The following UBE2F variants were observed in gnomAD, a reference collection of about 807,000 sequenced individuals.
The protein encoded by UBE2F is ubiquitin conjugating enzyme E2 F (putative).
A neutral mutation model predicts 29.6 loss-of-function variants in UBE2F; 5 were observed. The observed-to-expected ratio is 0.17, with a 90% CI of 0.09 to 0.36. The LOEUF (loss-of-function observed/expected upper bound fraction) is 0.36, where lower values mean the gene tolerates loss of function less well. Among genes scored for constraint, UBE2F ranks in the 10% least tolerant of loss-of-function variants. The pLI, the probability that UBE2F is intolerant of heterozygous loss-of-function variation, is 1.00. For missense variants in UBE2F, 141 were observed against 228.5 expected (o/e 0.62, Z 2.47); for synonymous variants, 66 against 81.8 (o/e 0.81, Z 1.04).
chr2:238,036,828 A>T (rs2064722601), intron 9 of UBE2F, among the ~76,000 whole-genome samples: 1 of 152,118 alleles, frequency 6.6e-6, no homozygotes, highest in Admixed American at 6.6e-5. Context: ...TTAAATACAT[A>T]AATAAGTAAA....
chr2:238,018,627 G>A (rs1008009844), intron 5 of UBE2F, among the ~76,000 whole-genome samples: 9 of 152,066 alleles, frequency 5.9e-5, no homozygotes, highest in Admixed American at 2.0e-4. Flanking sequence ...GTGCTGTGGC[G>A]TGATCTCAGC....
intron 2 of UBE2F, among the ~76,000 whole-genome samples, chr2:237,980,526 T>G (rs2106333099): frequency 6.6e-6 from 1 of 152,296 alleles, no homozygotes; most frequent in South Asian, 2.1e-4. Context: ...ACCTCCATGA[T>G]CTGATCTAAA....
Position 237,982,671 on chromosome 2 carries a change from T to C in UBE2F, c.119-5292T>C, listed in dbSNP as rs2063403601. Reference sequence around the variant, plus strand: ...TTCTTGTAAATTCTAATCAACAAAATATAAATAATACAGAATAAAATGTTA... The same window carrying C: ...TTCTTGTAAATTCTAATCAACAAAACATAAATAATACAGAATAAAATGTTA... On this transcript the variant is annotated intron_variant, in intron 2 of 9. Transcript: ENST00000272930. This position sits in a 1 kb window ranked among gnomAD's most constrained non-coding sequence, Gnocchi z 4.1. Among the ~76,000 whole-genome samples the C allele has an allele frequency of 6.6e-6, 1 of 152,162 alleles. No individual in the cohort carries two copies. Among genetic ancestry groups the C allele is most frequent in the African/African-American group, 2.4e-5 (1 of 41,432 alleles).
In UBE2F at chr2:237,967,624, C is replaced by T. The variant is rs1231950184; in HGVS notation, c.-17+492C>T. On this transcript the variant is annotated intron_variant, in intron 1 of 9. Coordinates refer to ENST00000272930, the MANE Select transcript of UBE2F (RefSeq NM_080678.3). This position sits in a 1 kb window ranked among gnomAD's most constrained non-coding sequence, Gnocchi z 6.3. ...CGATCGGGGCAGGAGTCGCGCTAGG[C>T]CGTGAGGAGCGGGGGAGGTGAGGGG... 6.6e-6 allele frequency among the ~76,000 whole-genome samples: 1 copy of T among 152,136 alleles called. No homozygotes were observed. The highest frequency in any genetic ancestry group is 1.9e-4 in the East Asian group (1 of 5,172).
At chr2:237,986,140 T>G (rs2063477030) in intron 2 of UBE2F, 1 of 337,904 alleles carries the variant, frequency 3.0e-6, no homozygotes, top group Non-Finnish European at 5.4e-6. Context: ...ACCTTTTCTT[T>G]TCTTTTTTTT....
intron 2 of UBE2F, chr2:237,973,636 CT>C: frequency 7.7e-7 from 1 of 1,292,114 alleles, no homozygotes; most frequent in Middle Eastern, 2.1e-4. Flanking sequence ...GGATCTTTTC[CT>C]GTTTTATTCA....
Position 238,019,849 on chromosome 2 carries a change from G to A in UBE2F, c.282+3216G>A, listed in dbSNP as rs141254466. On this transcript the variant is annotated intron_variant, in intron 5 of 9. Coordinates refer to ENST00000272930, the MANE Select transcript of UBE2F (RefSeq NM_080678.3). ...TAATTTTTGTAGTTTTAGTAGAGAC[G>A]GGGTTTCACCATGTTGGCCGGGTTG... 2.0e-3 allele frequency among the ~76,000 whole-genome samples: 304 copies of A among 151,886 alleles called. 1 individual carries two copies. The highest frequency in any genetic ancestry group is 6.4e-3 in the African/African-American group (267 of 41,402).
intron 1 of UBE2F, among the ~76,000 whole-genome samples, chr2:237,972,442 G>A (rs1197964855): frequency 6.6e-6 from 1 of 152,128 alleles, no homozygotes; most frequent in Non-Finnish European, 1.5e-5. Flanking sequence ...AACTGTGGAG[G>A]CCACCCTAGA....
Position 238,016,636 on chromosome 2 carries a change from G to C in UBE2F, c.282+3G>C. 6.2e-7 allele frequency: 1 copy of C among 1,608,860 alleles called. No individual in the cohort carries two copies. The highest frequency in any genetic ancestry group is 8.5e-7 in the Non-Finnish European group (1 of 1,178,280). ...TTCCCGATGCGTACAACATGGTGGT[G>C]AGTAGCCTGCGTTGAGCCTGTTGTT... On this transcript the variant is annotated splice_donor_region_variant and intron_variant, in intron 5 of 9. Coordinates refer to ENST00000272930, the MANE Select transcript of UBE2F (RefSeq NM_080678.3).
At chr2:238,020,552 G>A (rs1165999832) in intron 5 of UBE2F, among the ~76,000 whole-genome samples, 2 of 152,308 alleles carry the variant, frequency 1.3e-5, no homozygotes, top group South Asian at 2.1e-4. Context: ...AGTTCCTGCA[G>A]TGAAGGTCTG....
At chr2:238,027,672 G>A (rs950384898) in intron 6 of UBE2F, among the ~76,000 whole-genome samples, 3 of 152,168 alleles carry the variant, frequency 2.0e-5, no homozygotes, top group South Asian at 2.1e-4. Context: ...ATTGATGTAC[G>A]GGGACCACCT....
At chr2:238,018,777 A>G (rs960144040) in intron 5 of UBE2F, among the ~76,000 whole-genome samples, 3 of 152,214 alleles carry the variant, frequency 2.0e-5, no homozygotes, top group Non-Finnish European at 2.9e-5. Context: ...AGCTTTGCCA[A>G]TGGAGACGGC....
rs778504563 is a variant in UBE2F, at chr2:238,040,082, G to A, written c.508-1206G>A. On this transcript the variant is annotated intron_variant, in intron 9 of 9. Coordinates refer to ENST00000272930, the MANE Select transcript of UBE2F (RefSeq NM_080678.3). The surrounding 1 kb of genome is among the most constrained non-coding windows in gnomAD (Gnocchi z 4.4). The stretch of plus-strand genomic sequence containing the variant: ...GCGGTTGGCAGGGCAGAGGCACCTG[G>A]GTAGACTCAGAGCACTCCACTTTCT... Among the ~76,000 whole-genome samples, 11 of 152,194 alleles carry A rather than the reference G, an allele frequency of 7.2e-5. No homozygotes were observed. Among genetic ancestry groups the A allele is most frequent in the Non-Finnish European group, 1.2e-4 (8 of 68,026 alleles).
chr2:237,982,064 A>G lies in UBE2F; in HGVS notation c.119-5899A>G, dbSNP rs1474659203. 5.9e-5 allele frequency among the ~76,000 whole-genome samples: 9 copies of G among 152,168 alleles called. No individual in the cohort carries two copies. ...GATCCATAGCTCCAAAATGTACTAC[A>G]ATTTATTGAATCATTTACTTAAAAT... On this transcript the variant is annotated intron_variant, in intron 2 of 9. Coordinates refer to ENST00000272930, the MANE Select transcript of UBE2F (RefSeq NM_080678.3). This position sits in a 1 kb window ranked among gnomAD's most constrained non-coding sequence, Gnocchi z 4.1.
intron 4 of UBE2F, among the ~76,000 whole-genome samples, chr2:238,007,309 A>C (rs1218337983): frequency 1.3e-5 from 2 of 151,314 alleles, no homozygotes; most frequent in East Asian, 3.9e-4. Flanking sequence ...TTTAGTAGAT[A>C]TGGCATTTCA....
intron 2 of UBE2F, among the ~76,000 whole-genome samples, chr2:237,974,316 G>A (rs975593678): frequency 2.6e-5 from 4 of 151,664 alleles, no homozygotes; most frequent in Admixed American, 1.3e-4. Context: ...TCAGACTCTC[G>A]AGTAGCTGGG....
intron 1 of UBE2F, among the ~76,000 whole-genome samples, chr2:237,968,597 A>G (rs2063109017): frequency 6.6e-6 from 1 of 152,222 alleles, no homozygotes; most frequent in South Asian, 2.1e-4. Context: ...GTCCCTGCAC[A>G]AGTGACATGG....
intron 2 of UBE2F, among the ~76,000 whole-genome samples, chr2:237,978,146 T>C (rs2063317932): frequency 1.3e-5 from 2 of 152,170 alleles, no homozygotes; most frequent in Admixed American, 1.3e-4. Flanking sequence ...CAACTGTCAT[T>C]CGTTAGATGA....
At chr2:237,983,585 C>T (rs1293855649) in intron 2 of UBE2F, among the ~76,000 whole-genome samples, 9 of 152,196 alleles carry the variant, frequency 5.9e-5, no homozygotes, top group African/African-American at 1.9e-4. Flanking sequence ...TTCCTCCACT[C>T]GGTGGTCAGC....
Sources: allele counts gnomAD v4.1 joint callset (sites outside exome capture counted in the v4.1 genomes callset), GRCh38; gene constraint gnomAD v4.1.1; non-coding constraint Gnocchi (gnomAD v3.1); transcripts MANE v1.5; gene names NCBI Gene and HGNC (gene_info 2026-07-23, HGNC 2026-07-21).